ETV4: variants seen among roughly 807,000 people sequenced by gnomAD.
ETV4 encodes the protein ETS translocation variant 4.
ETV4 carries 42 observed loss-of-function variants against 65.9 expected under a neutral mutation model. The ratio of observed to expected loss-of-function variants is 0.64; its 90% CI spans 0.50 to 0.82. ETV4 has a LOEUF of 0.82. Ranked by LOEUF, ETV4 falls within the 40% of genes least tolerant of loss-of-function variation. ETV4 has a pLI of 0.00. For synonymous variants in ETV4, 238 were observed against 260.0 expected (o/e 0.92, Z 0.81); for missense variants, 583 against 630.3 (o/e 0.92, Z 0.80).
Position 43,529,587 on chromosome 17 carries a change from C to T in ETV4, c.1045G>A (p.Ala349Thr), listed in dbSNP as rs780428673. 2 of 1,614,098 alleles carry T rather than the reference C, an allele frequency of 1.2e-6. No individual in the cohort carries two copies. Among genetic ancestry groups the T allele is most frequent in the Non-Finnish European group, 8.5e-7 (1 of 1,180,024 alleles). ...GCATTTGTTGGGTCATCCAGCAAGG[C>T]CACCAGAAATTGCCACAGCTGCAGG... ...GALQLWQFLV[A>T]LLDDPTNAHF... Residue 349 changes from alanine to threonine, a missense_variant, in exon 11 of 13, where the codon GCC becomes ACC. Physicochemically the swap from Ala to Thr is moderately conservative, Grantham distance 58. Transcript: ENST00000319349.
At position 43,545,054 on chromosome 17, in the gene ETV4, G is replaced by A. The variant is rs1401267676; in HGVS notation, c.155-32C>T. 4.4e-6 allele frequency: 7 copies of A among 1,608,670 alleles called. No homozygotes were observed. In the African/African-American group the frequency reaches 8.0e-5, roughly 18 times the overall value. On this transcript the variant is annotated intron_variant, in intron 3 of 12. Transcript: ENST00000319349. ...GGTAAATAGTGGAATTGGAGGTGAG[G>A]TGGAGGGGACGGTAAGAGAGAAGGG...
chr17:43,532,263 G>T (rs1970981370), intron 8 of ETV4, among the ~76,000 whole-genome samples: 1 of 152,188 alleles, frequency 6.6e-6, no homozygotes, highest in Non-Finnish European at 1.5e-5. Flanking sequence ...ACTTTGGGAG[G>T]CCGAGGCGAT....
chr17:43,527,950 C>G lies in ETV4; in HGVS notation c.*569G>C, dbSNP rs1197598920. On this transcript the variant is annotated 3_prime_UTR_variant, in exon 13 of 13. Transcript: ENST00000319349. ...AGGGCAGAAGAAAGGCAAAGGGTCC[C>G]TTGGAGCAGGAACCCATCCCTCTCT... 3 of 233,388 alleles carry G rather than the reference C, an allele frequency of 1.3e-5. No homozygotes were observed. The Admixed American group carries it at 1.7e-4, about 13-fold the overall frequency. 14.5% of individuals were successfully genotyped at this position (233,388 alleles called of 1,614,324 possible).
At chr17:43,545,962 TG>T in intron 1 of ETV4, 1 of 338,984 alleles carries the variant, frequency 2.9e-6, no homozygotes, top group East Asian at 6.2e-5. Flanking sequence ...TGTGTGTGTG[TG>T]TGTGTGTGTG....
chr17:43,528,397 GAC>G lies in ETV4; in HGVS notation c.*120_*121del, dbSNP rs889528792. On this transcript the variant is annotated 3_prime_UTR_variant, in exon 13 of 13. Transcript: ENST00000319349. ...GAGTCTGGGCTAGGGCAACTGGTAGGACAGTGGGGATCTGCCCCAGAGACATC... is the reference window on the plus strand; with the variant it reads ...GAGTCTGGGCTAGGGCAACTGGTAGGAGTGGGGATCTGCCCCAGAGACATC... 1.5e-6 allele frequency: 1 copy of G among 678,540 alleles called. No individual in the cohort carries two copies. The highest frequency in any genetic ancestry group is 2.9e-5 in the Admixed American group (1 of 33,970). 42.0% of individuals were successfully genotyped at this position (678,540 alleles called of 1,614,324 possible).
intron 1 of ETV4, chr17:43,545,927 A>G: frequency 2.1e-6 from 1 of 481,272 alleles, no homozygotes; most frequent in Non-Finnish European, 3.8e-6. Flanking sequence ...GCTCGGTTAC[A>G]TAAGAACGTG....
chr17:43,533,374 G>A (rs1971064052), intron 6 of ETV4, 26 bp from the exon 7 acceptor site: 1 of 1,597,816 alleles, frequency 6.3e-7, no homozygotes, highest in Non-Finnish European at 8.6e-7. Flanking sequence ...AGACAGGGGT[G>A]AGGGGGCAGA....
chr17:43,531,596 C>T (rs1209267367), intron 8 of ETV4, among the ~76,000 whole-genome samples: 5 of 152,110 alleles, frequency 3.3e-5, no homozygotes, highest in East Asian at 3.9e-4. Flanking sequence ...CCCAGCTATT[C>T]GGGAGGCTGA....
chr17:43,534,875 C>T (rs1424518860), intron 5 of ETV4, among the ~76,000 whole-genome samples: 2 of 150,462 alleles, frequency 1.3e-5, no homozygotes, highest in East Asian at 2.0e-4. Context: ...TGGGAGGCAG[C>T]GGTTGCAGTG....
At chr17:43,528,826 C>T in intron 12 of ETV4, 83 bp from the exon 13 acceptor site, 1 of 1,114,364 alleles carries the variant, frequency 9.0e-7, no homozygotes, top group Non-Finnish European at 1.3e-6. Context: ...GGGAATGTGG[C>T]CCTTCTACCA....
intron 4 of ETV4, among the ~76,000 whole-genome samples, chr17:43,541,438 G>A (rs547549890): frequency 2.0e-5 from 3 of 152,268 alleles, no homozygotes; most frequent in East Asian, 3.9e-4. Context: ...GTCTGGGGAC[G>A]AGGCAGATGA....
rs200376976 is a variant in ETV4, at chr17:43,530,602, ACG to A, written c.812-423_812-422del. Among the ~76,000 whole-genome samples the A allele has an allele frequency of 0.4, 52,937 of 132,752 alleles. 9,287 individuals carry two copies. The highest frequency in any genetic ancestry group is 0.44 in the East Asian group (1,914 of 4,374). The allele number at this position is 132,752 out of a possible 152,430, so 87.1% of individuals were successfully genotyped here. A position where few individuals can be genotyped will look rare whatever the true frequency, so the allele number is the denominator to read the frequency against. ...GCAGGTCAGGTTCCCAGCCCTGTGC[ACG>A]CGCGCGTGTGTGTGTGTGTGTGTGT... On this transcript the variant is annotated intron_variant, in intron 8 of 12. Coordinates refer to ENST00000319349, the MANE Select transcript of ETV4 (RefSeq NM_001079675.5).
chr17:43,529,290 G>T, intron 11 of ETV4, 54 bp from the exon 12 acceptor site: 1 of 1,563,510 alleles, frequency 6.4e-7, no homozygotes, highest in Non-Finnish European at 8.8e-7. Context: ...AGGAAAAAAT[G>T]GGGGTAAGGT....
chr17:43,538,995 T>G (rs536697696), intron 4 of ETV4, among the ~76,000 whole-genome samples: 80 of 152,142 alleles, frequency 5.3e-4, no homozygotes, highest in Non-Finnish European at 9.7e-4. Flanking sequence ...AGGCTAAGGC[T>G]CCATCATTTC....
intron 5 of ETV4, 176 bp downstream of exon 5, chr17:43,536,250 T>C (rs1046160088): frequency 1.8e-5 from 12 of 672,242 alleles, no homozygotes; most frequent in Non-Finnish European, 8.0e-6. Flanking sequence ...AGCAAGAACA[T>C]GTCAAGCCCC....
At chr17:43,535,253 C>T (rs920512784) in intron 5 of ETV4, among the ~76,000 whole-genome samples, 1 of 151,970 alleles carries the variant, frequency 6.6e-6, no homozygotes, top group Non-Finnish European at 1.5e-5. Context: ...AGCAAAGTAT[C>T]TGACATTAAA....
chr17:43,536,242 C>G (rs1340222719), intron 5 of ETV4, 184 bp downstream of exon 5: 1 of 659,614 alleles, frequency 1.5e-6, no homozygotes, highest in Non-Finnish European at 2.7e-6. Context: ...GGTCACACAG[C>G]AAGAACATGT....
intron 3 of ETV4, 103 bp from the exon 4 acceptor site, chr17:43,545,125 G>T: frequency 7.2e-7 from 1 of 1,381,506 alleles, no homozygotes; most frequent in Non-Finnish European, 1.0e-6. Context: ...AGTAGGGACC[G>T]AGAAGAATGA....
intron 5 of ETV4, 30 bp from the exon 6 acceptor site, chr17:43,534,015 C>A: frequency 2.0e-6 from 3 of 1,484,174 alleles, no homozygotes; most frequent in Non-Finnish European, 2.7e-6. Context: ...AGAGCAAGGC[C>A]AGAGCCTGTC....
Sources: gnomAD v4.1 joint callset for allele counts (sites outside exome capture counted in the v4.1 genomes callset) on GRCh38, gnomAD v4.1.1 for gene constraint, MANE v1.5 for transcripts, NCBI Gene and HGNC (gene_info 2026-07-23, HGNC 2026-07-21) for gene names.